The following ZPBP variants were observed in gnomAD, a reference collection of about 807,000 sequenced individuals.
The protein encoded by ZPBP is zona pellucida binding protein.
ZPBP carries 26 observed loss-of-function variants against 44.8 expected under a neutral mutation model. That is an observed-to-expected ratio of 0.58 (90% CI 0.43 to 0.81). The LOEUF (loss-of-function observed/expected upper bound fraction) is 0.81. ZPBP is among the 30% of genes least tolerant of loss of function. The pLI is 0.00. For missense variants in ZPBP, 409 were observed against 434.0 expected, an observed-to-expected ratio of 0.94 and a Z score of 0.51; for synonymous variants, 174 against 153.2, an observed-to-expected ratio of 1.14 and a Z score of -1.00.
At position 49,967,408 on chromosome 7, in the gene ZPBP, A is replaced by G. The variant is rs74998873; in HGVS notation, c.961+15934T>C. 8.1e-4 allele frequency among the ~76,000 whole-genome samples: 124 copies of G among 152,300 alleles called. 1 individual carries two copies. Among genetic ancestry groups the G allele is most frequent in the Middle Eastern group, 6.8e-3 (2 of 294 alleles). The stretch of plus-strand genomic sequence containing the variant: ...GGAGAAGAACTTTGCACCAAAATGC[A>G]TCGTACCTAGAGTCTCATCCATACA... On this transcript the variant is annotated intron_variant, in intron 7 of 7. Transcript: ENST00000046087.
intron 2 of ZPBP, among the ~76,000 whole-genome samples, chr7:49,884,803 G>C (rs531586004): frequency 6.6e-6 from 1 of 151,780 alleles, no homozygotes; most frequent in Non-Finnish European, 1.5e-5. Flanking sequence ...TTCCAAAGGA[G>C]AGAAAAACAA....
At chr7:49,897,440 C>G (rs1473138210) in intron 2 of ZPBP, among the ~76,000 whole-genome samples, 4 of 152,060 alleles carry the variant, frequency 2.6e-5, no homozygotes, top group African/African-American at 9.7e-5. Flanking sequence ...GAATTGCATG[C>G]CAAGAACAAG....
At chr7:50,021,850 T>C (rs1799111264) in intron 5 of ZPBP, among the ~76,000 whole-genome samples, 1 of 152,170 alleles carries the variant, frequency 6.6e-6, no homozygotes, top group South Asian at 2.1e-4. Context: ...CTTTTCCATC[T>C]GGCAGTACAT....
chr7:49,933,302 C>G (rs1157153747), downstream of ZPBP, among the ~76,000 whole-genome samples: 1 of 152,098 alleles, frequency 6.6e-6, no homozygotes, highest in African/African-American at 2.4e-5. Context: ...CCCCTGACTT[C>G]TAATCCTCTA....
intron 2 of ZPBP, among the ~76,000 whole-genome samples, chr7:50,083,633 G>A (rs922919531): frequency 7.2e-5 from 11 of 151,856 alleles, no homozygotes; most frequent in Non-Finnish European, 1.3e-4. Context: ...TAAAAAAAGA[G>A]AGGCCTGGTG....
intron 5 of ZPBP, 151 bp downstream of exon 5, chr7:50,030,941 T>TA: frequency 1.5e-6 from 1 of 678,746 alleles, no homozygotes. Context: ...TTTGAGGGGT[T>TA]AACAGCACTA....
intron 2 of ZPBP, among the ~76,000 whole-genome samples, chr7:49,884,500 G>A (rs2128728248): frequency 6.6e-6 from 1 of 152,306 alleles, no homozygotes; most frequent in South Asian, 2.1e-4. Flanking sequence ...GATGAGGGGT[G>A]TGGCATCTCA....
At chr7:49,939,750 T>C (rs1264779783) in intron 7 of ZPBP, among the ~76,000 whole-genome samples, 3 of 152,158 alleles carry the variant, frequency 2.0e-5, no homozygotes, top group Non-Finnish European at 4.4e-5. Flanking sequence ...CCAAGCAAGA[T>C]GGACTCCCTG....
chr7:50,088,868 T>C (rs564295623), intron 2 of ZPBP, among the ~76,000 whole-genome samples: 1 of 138,170 alleles, frequency 7.2e-6, no homozygotes, highest in Admixed American at 7.0e-5. Flanking sequence ...ATATTAAACA[T>C]AGAGTTACTC....
At chr7:50,086,351 C>T (rs967373199) in intron 2 of ZPBP, among the ~76,000 whole-genome samples, 3 of 151,846 alleles carry the variant, frequency 2.0e-5, no homozygotes, top group Admixed American at 2.0e-4. Context: ...AAAAAGGTAG[C>T]CCACTGAAAC....
chr7:49,925,509 T>C (rs1278276182), intron 1 of ZPBP, among the ~76,000 whole-genome samples: 1 of 152,200 alleles, frequency 6.6e-6, no homozygotes, highest in Non-Finnish European at 1.5e-5. Flanking sequence ...GCTCCCTCCA[T>C]ATGTCTATGT....
chr7:49,860,031 T>C (rs1056263941), intron 2 of ZPBP, among the ~76,000 whole-genome samples: 2 of 152,126 alleles, frequency 1.3e-5, no homozygotes, highest in African/African-American at 2.4e-5. Flanking sequence ...AAGGGCTTCT[T>C]TAAAGTTTCA....
chr7:50,058,987 C>T lies in ZPBP; in HGVS notation c.335-846G>A, dbSNP rs576650805. ...ATGAAAAATCATAATATATGATAGC[C>T]TATCTCACAGGATTTCTCTGTATAA... On this transcript the variant is annotated intron_variant, in intron 3 of 7. Coordinates refer to ENST00000046087, the MANE Select transcript of ZPBP (RefSeq NM_007009.3). 6.6e-5 allele frequency among the ~76,000 whole-genome samples: 10 copies of T among 152,252 alleles called. No individual in the cohort carries two copies. The South Asian group carries it at 2.1e-3, about 32-fold the overall frequency.
intron 2 of ZPBP, among the ~76,000 whole-genome samples, chr7:49,877,462 CAAAAAAAAA>C (rs1169480763): frequency 1.4e-3 from 10 of 7,052 alleles, no homozygotes; most frequent in South Asian, 9.0e-3. Context: ...AACTCTGTCT[CAAAAAAAAA>C]AAAAAAAAAA....
At chr7:49,875,675 C>A (rs1791388215) in intron 2 of ZPBP, among the ~76,000 whole-genome samples, 1 of 152,048 alleles carries the variant, frequency 6.6e-6, no homozygotes, top group African/African-American at 2.4e-5. Flanking sequence ...TCTCACTTTC[C>A]TCCTCTTTGC....
At chr7:50,091,159 C>T (rs10252372) in intron 1 of ZPBP, among the ~76,000 whole-genome samples, 125,965 of 151,852 alleles carry the variant, frequency 0.83, 52,274 homozygotes, top group East Asian at 0.88. Flanking sequence ...TTTGATGGGA[C>T]TGTTGGGGTT....
At chr7:50,019,150 T>C (rs1012887052) in intron 5 of ZPBP, among the ~76,000 whole-genome samples, 1 of 152,066 alleles carries the variant, frequency 6.6e-6, no homozygotes, top group African/African-American at 2.4e-5. Flanking sequence ...TTTGTCACCC[T>C]TTCCAGTTAT....
At chr7:49,995,937 A>G (rs1562831990) in intron 6 of ZPBP, among the ~76,000 whole-genome samples, 2 of 152,188 alleles carry the variant, frequency 1.3e-5, no homozygotes, top group Non-Finnish European at 2.9e-5. Flanking sequence ...GACAGAAGGA[A>G]CAAATTCTAA....
intron 1 of ZPBP, chr7:49,916,835 A>C (rs1793750226): frequency 6.6e-6 from 1 of 152,216 alleles, no homozygotes; most frequent in Non-Finnish European, 1.5e-5. Context: ...ACCCAGAGAC[A>C]CATCAAATAC....
Sources: allele counts gnomAD v4.1 joint callset (sites outside exome capture counted in the v4.1 genomes callset), GRCh38; gene constraint gnomAD v4.1.1; transcripts MANE v1.5; gene names NCBI Gene and HGNC (gene_info 2026-07-23, HGNC 2026-07-21).